RNF150: variants seen among roughly 807,000 people sequenced by gnomAD.
The protein encoded by RNF150 is ring finger protein 150.
In RNF150, 24 loss-of-function variants were observed where a neutral mutation model predicts 39.3. That is an observed-to-expected ratio of 0.61 (90% CI 0.44 to 0.86). The LOEUF (loss-of-function observed/expected upper bound fraction) is 0.86. Among genes scored for constraint, RNF150 ranks in the 40% least tolerant of loss-of-function variants. RNF150 has a pLI of 0.00. For synonymous variants in RNF150, 255 were observed against 227.3 expected (o/e 1.12, Z -1.10); for missense variants, 502 against 587.8 (o/e 0.85, Z 1.51).
At chr4:141,175,519 A>T (rs1347067241) in intron 1 of RNF150, among the ~76,000 whole-genome samples, 1 of 152,212 alleles carries the variant, frequency 6.6e-6, no homozygotes, top group Non-Finnish European at 1.5e-5. Flanking sequence ...AAAAGTTCCA[A>T]TTCTACATTG....
chr4:141,176,819 A>G (rs776707625), intron 1 of RNF150, among the ~76,000 whole-genome samples: 1 of 152,172 alleles, frequency 6.6e-6, no homozygotes, highest in Non-Finnish European at 1.5e-5. Flanking sequence ...TACAATATCA[A>G]TTTACACTTA....
chr4:141,148,437 C>T (rs894525262), intron 1 of RNF150, among the ~76,000 whole-genome samples: 1 of 152,106 alleles, frequency 6.6e-6, no homozygotes, highest in African/African-American at 2.4e-5. Flanking sequence ...TTAGCAGGTT[C>T]TTAAAGCTTT....
chr4:140,875,774 A>C (rs1185596330), intron 6 of RNF150, among the ~76,000 whole-genome samples: 1 of 151,980 alleles, frequency 6.6e-6, no homozygotes, highest in African/African-American at 2.4e-5. Context: ...GTGTTCTATT[A>C]ACTTGACATG....
intron 1 of RNF150, among the ~76,000 whole-genome samples, chr4:141,113,942 A>G (rs980427189): frequency 6.6e-6 from 1 of 152,094 alleles, no homozygotes; most frequent in Non-Finnish European, 1.5e-5. Flanking sequence ...GCAGAAACAA[A>G]TAACTTCTTC....
intron 1 of RNF150, among the ~76,000 whole-genome samples, chr4:141,201,153 G>A (rs1560776769): frequency 6.6e-6 from 1 of 151,766 alleles, no homozygotes; most frequent in Non-Finnish European, 1.5e-5. Context: ...CATAGGTGAA[G>A]CAGACGAATG....
chr4:141,200,702 C>G (rs569543230), intron 1 of RNF150, among the ~76,000 whole-genome samples: 1 of 152,046 alleles, frequency 6.6e-6, no homozygotes, highest in Non-Finnish European at 1.5e-5. Context: ...ATTGCAGGCT[C>G]TTCTGCAAAA....
chr4:141,002,921 G>T (rs2111508789), intron 1 of RNF150, among the ~76,000 whole-genome samples: 1 of 152,228 alleles, frequency 6.6e-6, no homozygotes, highest in South Asian at 2.1e-4. Flanking sequence ...CAAAAGTTAA[G>T]AACATTAACT....
chr4:141,088,109 A>C (rs1229611359), intron 1 of RNF150, among the ~76,000 whole-genome samples: 2 of 152,208 alleles, frequency 1.3e-5, no homozygotes, highest in Non-Finnish European at 2.9e-5. Flanking sequence ...ATTTGGTCAT[A>C]TATAAACTGA....
At chr4:140,956,671 T>C (rs2111393432) in intron 2 of RNF150, among the ~76,000 whole-genome samples, 1 of 152,240 alleles carries the variant, frequency 6.6e-6, no homozygotes, top group South Asian at 2.1e-4. Context: ...AAGGCTACAG[T>C]AACCAAAACA....
intron 5 of RNF150, among the ~76,000 whole-genome samples, chr4:140,915,248 A>G (rs1481574214): frequency 6.6e-6 from 1 of 152,252 alleles, no homozygotes; most frequent in Non-Finnish European, 1.5e-5. Flanking sequence ...AATGGAATAC[A>G]TGGAACATAG....
At chr4:141,124,148 C>A (rs112984445) in intron 1 of RNF150, among the ~76,000 whole-genome samples, 1 of 152,342 alleles carries the variant, frequency 6.6e-6, no homozygotes, top group Non-Finnish European at 1.5e-5. Context: ...TCTTCTGCTG[C>A]TTATGCAGAG....
chr4:141,105,131 A>AT (rs1331491279), intron 1 of RNF150, among the ~76,000 whole-genome samples: 2 of 152,208 alleles, frequency 1.3e-5, no homozygotes. Flanking sequence ...CTTTCTAGAG[A>AT]TTTAAATGTC....
chr4:141,089,513 A>G (rs542081387), intron 1 of RNF150, among the ~76,000 whole-genome samples: 16 of 152,320 alleles, frequency 1.1e-4, no homozygotes, highest in Middle Eastern at 3.4e-3. Flanking sequence ...GAAAACAAAC[A>G]TGATCAAGGA....
At chr4:141,109,986 C>G (rs1437466529) in intron 1 of RNF150, among the ~76,000 whole-genome samples, 1 of 151,904 alleles carries the variant, frequency 6.6e-6, no homozygotes, top group Non-Finnish European at 1.5e-5. Context: ...GAGTTCAGGG[C>G]TATCAAAGTT....
intron 1 of RNF150, among the ~76,000 whole-genome samples, chr4:141,071,074 C>T (rs1256994208): frequency 1.5e-5 from 2 of 131,746 alleles, no homozygotes; most frequent in African/African-American, 5.7e-5. Flanking sequence ...GAGTTCATGT[C>T]CTTTGTAGGG....
chr4:140,924,405 CA>C (rs1731302228), intron 5 of RNF150, among the ~76,000 whole-genome samples: 1 of 152,162 alleles, frequency 6.6e-6, no homozygotes, highest in Non-Finnish European at 1.5e-5. Context: ...CTCTTTAGTA[CA>C]AAATTGAACG....
chr4:141,097,192 A>G (rs1738822305), intron 1 of RNF150, among the ~76,000 whole-genome samples: 1 of 152,196 alleles, frequency 6.6e-6, no homozygotes, highest in South Asian at 2.1e-4. Flanking sequence ...ACAGAATGTG[A>G]GTTCCATAAA....
intron 1 of RNF150, among the ~76,000 whole-genome samples, chr4:141,078,832 T>TATATATATATATACAC (rs1269919232): frequency 9.7e-6 from 1 of 102,872 alleles, no homozygotes; most frequent in African/African-American, 4.0e-5. Context: ...TATATATATA[T>TATATATATATATACAC]ACACACACAC....
At chr4:140,924,371 A>G (rs1027563643) in intron 5 of RNF150, among the ~76,000 whole-genome samples, 5 of 152,238 alleles carry the variant, frequency 3.3e-5, no homozygotes, top group Admixed American at 2.6e-4. Context: ...TTATACCTCC[A>G]TTGAAAAAAT....
Sources: allele counts gnomAD v4.1 joint callset (sites outside exome capture counted in the v4.1 genomes callset), GRCh38; gene constraint gnomAD v4.1.1; transcripts MANE v1.5; gene names NCBI Gene and HGNC (gene_info 2026-07-23, HGNC 2026-07-21).